LARGE1: variants seen among roughly 807,000 people sequenced by gnomAD.
LARGE1 encodes xylosyl- and glucuronyltransferase LARGE1.
LARGE1 carries 43 observed loss-of-function variants against 87.6 expected under a neutral mutation model. The observed-to-expected ratio is 0.49, with a 90% CI of 0.38 to 0.63. The LOEUF (loss-of-function observed/expected upper bound fraction) is 0.63. Among genes scored for constraint, LARGE1 ranks in the 30% least tolerant of loss-of-function variants. LARGE1 has a pLI of 0.00. For synonymous variants in LARGE1, 434 were observed against 394.6 expected (o/e 1.10, Z -1.18); for missense variants, 802 against 1,000.2 (o/e 0.80, Z 2.67).
chr22:33,167,098 T>C (rs984975630), intron 11 of LARGE1, among the ~76,000 whole-genome samples: 25 of 152,200 alleles, frequency 1.6e-4, no homozygotes, highest in African/African-American at 6.0e-4. Flanking sequence ...CAACTTCTTA[T>C]TGAAAGTCTA....
intron 9 of LARGE1, among the ~76,000 whole-genome samples, chr22:33,354,151 A>G (rs538720303): frequency 6.6e-6 from 1 of 152,214 alleles, no homozygotes. Flanking sequence ...CCTTCGGTGG[A>G]AAGGTGACAA....
At chr22:33,644,638 G>A (rs1311519926) in intron 3 of LARGE1, among the ~76,000 whole-genome samples, 1 of 152,158 alleles carries the variant, frequency 6.6e-6, no homozygotes, top group East Asian at 1.9e-4. Flanking sequence ...GTTTGCAGAT[G>A]ACATGATTAT....
intron 6 of LARGE1, among the ~76,000 whole-genome samples, chr22:33,450,602 G>A (rs897587561): frequency 7.1e-6 from 1 of 140,364 alleles, no homozygotes; most frequent in African/African-American, 2.8e-5. Context: ...GCAAGATTCT[G>A]TTAAATAAAT....
At chr22:33,317,739 G>A (rs1936309747) in intron 10 of LARGE1, among the ~76,000 whole-genome samples, 1 of 152,154 alleles carries the variant, frequency 6.6e-6, no homozygotes, top group Non-Finnish European at 1.5e-5. Flanking sequence ...TACAGATGAA[G>A]AACTGAAATT....
the LARGE1 span, among the ~76,000 whole-genome samples, chr22:33,141,411 A>G: frequency 6.6e-6 from 1 of 152,224 alleles, no homozygotes; most frequent in African/African-American, 2.4e-5. Flanking sequence ...GACGAAGTAT[A>G]TGACCTACAT....
intron 1 of LARGE1, among the ~76,000 whole-genome samples, chr22:33,799,924 A>G (rs1159471581): frequency 2.6e-5 from 4 of 152,208 alleles, no homozygotes; most frequent in Non-Finnish European, 5.9e-5. Context: ...TGCTGAGACC[A>G]TGTGTGCTCA....
At chr22:33,717,275 G>A (rs556238235) in intron 2 of LARGE1, among the ~76,000 whole-genome samples, 3 of 152,202 alleles carry the variant, frequency 2.0e-5, no homozygotes, top group East Asian at 3.9e-4. Context: ...AATATCCAAC[G>A]AAACCAGGCT....
chr22:33,752,724 G>A (rs2084367156), intron 2 of LARGE1, among the ~76,000 whole-genome samples: 1 of 152,218 alleles, frequency 6.6e-6, no homozygotes, highest in Non-Finnish European at 1.5e-5. Flanking sequence ...ACAAGAAGAG[G>A]ATGGAGAGAA....
rs114974010 is a variant in LARGE1 at position 33,189,561 on chromosome 22, T to C, written c.1731-22729A>G. On this transcript the variant is annotated intron_variant, in intron 11 of 11. Transcript: ENST00000608642. Reference sequence around the variant, plus strand: ...GAAGGGATAACCACATGACCTCTACTTCCCTAACTAGAGAAAGGATCTCCA... The same window carrying C: ...GAAGGGATAACCACATGACCTCTACCTCCCTAACTAGAGAAAGGATCTCCA... 1.9e-3 allele frequency among the ~76,000 whole-genome samples: 296 copies of C among 152,322 alleles called. 1 individual carries two copies. Among genetic ancestry groups the C allele is most frequent in the African/African-American group, 6.8e-3 (283 of 41,576 alleles).
intron 10 of LARGE1, among the ~76,000 whole-genome samples, chr22:33,332,051 T>C (rs1046228210): frequency 6.6e-6 from 1 of 152,148 alleles, no homozygotes; most frequent in Non-Finnish European, 1.5e-5. Flanking sequence ...AGAGCCGAGC[T>C]TTAATCTGCA....
At chr22:33,518,199 A>G (rs751822699) in intron 6 of LARGE1, among the ~76,000 whole-genome samples, 4 of 152,274 alleles carry the variant, frequency 2.6e-5, no homozygotes, top group Admixed American at 1.3e-4. Flanking sequence ...AGAGGAACTC[A>G]TCTGTGTGTC....
chr22:33,699,366 G>A (rs977823078), intron 2 of LARGE1, among the ~76,000 whole-genome samples: 5 of 152,156 alleles, frequency 3.3e-5, no homozygotes, highest in African/African-American at 9.7e-5. Flanking sequence ...TAACCGCTAT[G>A]AACCAAATGG....
chr22:33,081,630 C>A, the LARGE1 span, among the ~76,000 whole-genome samples: 1 of 152,100 alleles, frequency 6.6e-6, no homozygotes, highest in African/African-American at 2.4e-5. Flanking sequence ...TGAGAATCTG[C>A]TGAAAACTAT....
rs1327864427 is a variant in LARGE1 at position 33,920,108 on chromosome 22, C to CT, written c.-197dup. The CT allele has an allele frequency of 5.2e-5, 8 of 152,388 alleles. No individual in the cohort carries two copies. The East Asian group carries it at 1.6e-3, about 30-fold the overall frequency. The allele number at this position is 152,388 out of a possible 1,614,324, so 9.4% of individuals were successfully genotyped here. A position where few individuals can be genotyped will look rare whatever the true frequency, so the allele number is the denominator to read the frequency against. On this transcript the variant is annotated 5_prime_UTR_variant, in exon 1 of 15. An upstream open reading frame in the 5' UTR loses its in-frame stop. Coordinates refer to ENST00000397394, the MANE Select transcript of LARGE1 (RefSeq NM_133642.5). ...GGTCAGGGTCCCGGCAGGCGCTGCC[C>CT]TACTCGGAGCGGCGGTGCCAAGCAC...
At chr22:33,748,373 A>G (rs1429338554) in intron 2 of LARGE1, among the ~76,000 whole-genome samples, 1 of 151,978 alleles carries the variant, frequency 6.6e-6, no homozygotes, top group Non-Finnish European at 1.5e-5. Context: ...CTCGTGATGC[A>G]CCCATCTCCA....
downstream of LARGE1, among the ~76,000 whole-genome samples, chr22:33,160,097 C>A (rs5754478): frequency 0.42 from 64,177 of 152,066 alleles, 13,973 homozygotes; most frequent in South Asian, 0.68. Context: ...TAGCATAATC[C>A]ACTTCAATAA....
intron 7 of LARGE1, among the ~76,000 whole-genome samples, chr22:33,410,052 C>CTGTCCAGTA (rs1381811865): frequency 1.3e-5 from 2 of 151,978 alleles, no homozygotes; most frequent in African/African-American, 4.8e-5. Context: ...GAGGACATGC[C>CTGTCCAGTA]TGTCCAGTAT....
At chr22:33,383,026 G>C (rs1293564144) in intron 8 of LARGE1, among the ~76,000 whole-genome samples, 2 of 152,128 alleles carry the variant, frequency 1.3e-5, no homozygotes, top group Non-Finnish European at 2.9e-5. Flanking sequence ...AACTTTGCAG[G>C]CATTCGACGA....
At chr22:33,104,835 G>A in the LARGE1 span, among the ~76,000 whole-genome samples, 13 of 152,120 alleles carry the variant, frequency 8.5e-5, no homozygotes, top group Admixed American at 2.0e-4. Flanking sequence ...GGTGAATCTC[G>A]AGCCCGTTTT....
Sources: allele counts gnomAD v4.1 joint callset (sites outside exome capture counted in the v4.1 genomes callset), GRCh38; gene constraint gnomAD v4.1.1; transcripts MANE v1.5; gene names NCBI Gene and HGNC (gene_info 2026-07-23, HGNC 2026-07-21).